Variants in CNTNAP2 observed in about 807,000 individuals in gnomAD.
CNTNAP2 encodes the protein contactin-associated protein-like 2.
In CNTNAP2, 98 loss-of-function variants were observed where a neutral mutation model predicts 155.2. The observed-to-expected ratio is 0.63, with a 90% CI of 0.54 to 0.75. CNTNAP2 has a LOEUF of 0.75. CNTNAP2 is among the 30% of genes least tolerant of loss of function. CNTNAP2 has a pLI of 0.00. For synonymous variants in CNTNAP2, 651 were observed against 631.2 expected (o/e 1.03, Z -0.47); for missense variants, 1,727 against 1,688.1 (o/e 1.02, Z -0.40).
intron 9 of CNTNAP2, among the ~76,000 whole-genome samples, chr7:147,369,886 C>A (rs1384338850): frequency 6.6e-6 from 1 of 152,210 alleles, no homozygotes; most frequent in Non-Finnish European, 1.5e-5. Flanking sequence ...TTCATACTGT[C>A]TGTATGAAAA....
intron 3 of CNTNAP2, among the ~76,000 whole-genome samples, chr7:146,952,721 G>A (rs532074627): frequency 2.2e-4 from 33 of 152,116 alleles, no homozygotes; most frequent in African/African-American, 7.9e-4. Context: ...CAACTTACAA[G>A]GGATGTGAAG....
intron 1 of CNTNAP2, among the ~76,000 whole-genome samples, chr7:146,482,379 T>C (rs889660232): frequency 6.8e-6 from 1 of 146,266 alleles, no homozygotes; most frequent in Non-Finnish European, 1.5e-5. Context: ...GAGGGATATA[T>C]ATGTATGTGT....
intron 8 of CNTNAP2, among the ~76,000 whole-genome samples, chr7:147,244,950 G>C (rs1411268186): frequency 6.6e-6 from 1 of 152,080 alleles, no homozygotes; most frequent in Non-Finnish European, 1.5e-5. Context: ...AAGTAAAGCT[G>C]GGTAAAGTGA....
At chr7:147,882,242 A>C (rs1799533577) in intron 13 of CNTNAP2, among the ~76,000 whole-genome samples, 1 of 152,182 alleles carries the variant, frequency 6.6e-6, no homozygotes, top group Non-Finnish European at 1.5e-5. Context: ...CCTGAGGAAG[A>C]AATGGAACGT....
chr7:146,324,666 T>C (rs1248193995), intron 1 of CNTNAP2, among the ~76,000 whole-genome samples: 7 of 152,158 alleles, frequency 4.6e-5, no homozygotes, highest in Admixed American at 4.6e-4. Flanking sequence ...CTAATAAATA[T>C]ATATTCCCCT....
intron 3 of CNTNAP2, among the ~76,000 whole-genome samples, chr7:147,008,764 T>C (rs534031394): frequency 1.6e-4 from 24 of 152,060 alleles, no homozygotes; most frequent in African/African-American, 5.6e-4. Context: ...GGGAGACTAA[T>C]GGTAGATAAA....
intron 10 of CNTNAP2, among the ~76,000 whole-genome samples, chr7:147,444,117 T>C (rs1490007086): frequency 6.6e-6 from 1 of 152,222 alleles, no homozygotes; most frequent in Non-Finnish European, 1.5e-5. Context: ...TGAAGGTCCC[T>C]GGGAAATTAT....
chr7:147,294,657 C>T (rs1273096982), intron 8 of CNTNAP2, among the ~76,000 whole-genome samples: 2 of 151,168 alleles, frequency 1.3e-5, no homozygotes, highest in African/African-American at 2.4e-5. Flanking sequence ...ACTCCAAAGA[C>T]AATTTTTTTT....
chr7:148,038,042 C>T (rs1478115135), intron 15 of CNTNAP2, among the ~76,000 whole-genome samples: 1 of 152,112 alleles, frequency 6.6e-6, no homozygotes, highest in East Asian at 1.9e-4. Flanking sequence ...TGTAGGACTT[C>T]AGTATGTAAT....
intron 1 of CNTNAP2, among the ~76,000 whole-genome samples, chr7:146,721,268 ATATT>A (rs941422876): frequency 2.5e-5 from 3 of 120,642 alleles, no homozygotes; most frequent in Non-Finnish European, 3.4e-5. Flanking sequence ...TACTCTCTAT[ATATT>A]CTATATATAT....
At chr7:146,602,524 T>A (rs967700691) in intron 1 of CNTNAP2, among the ~76,000 whole-genome samples, 1 of 152,230 alleles carries the variant, frequency 6.6e-6, no homozygotes, top group Non-Finnish European at 1.5e-5. Context: ...ACTTGATATT[T>A]AAAAGGAAAT....
intron 2 of CNTNAP2, among the ~76,000 whole-genome samples, chr7:146,793,772 G>T (rs1472402143): frequency 6.6e-6 from 1 of 152,112 alleles, no homozygotes; most frequent in Non-Finnish European, 1.5e-5. Flanking sequence ...GCCCAGGGTG[G>T]GATTAGACAG....
At chr7:147,586,124 GA>G (rs1800614252) in intron 12 of CNTNAP2, among the ~76,000 whole-genome samples, 1 of 152,162 alleles carries the variant, frequency 6.6e-6, no homozygotes. Context: ...TTGATTGAAA[GA>G]GTTTAATTAT....
intron 13 of CNTNAP2, among the ~76,000 whole-genome samples, chr7:147,773,140 T>C (rs958369728): frequency 6.6e-6 from 1 of 152,202 alleles, no homozygotes; most frequent in African/African-American, 2.4e-5. Flanking sequence ...TTTTTAGCTA[T>C]AACTAAAGGA....
At chr7:147,703,613 C>T (rs1451730341) in intron 13 of CNTNAP2, among the ~76,000 whole-genome samples, 6 of 152,084 alleles carry the variant, frequency 3.9e-5, no homozygotes, top group Admixed American at 6.6e-5. Context: ...ATGAGATACA[C>T]GTGATATTTT....
At chr7:147,726,215 T>C (rs1173619972) in intron 13 of CNTNAP2, among the ~76,000 whole-genome samples, 1 of 152,042 alleles carries the variant, frequency 6.6e-6, no homozygotes, top group Non-Finnish European at 1.5e-5. Flanking sequence ...TAAAGTATTA[T>C]ATACTTAAAA....
At chr7:148,405,603 A>ATTTTTTTTTT (rs535094195) in intron 22 of CNTNAP2, among the ~76,000 whole-genome samples, 7 of 36,794 alleles carry the variant, frequency 1.9e-4, no homozygotes, top group African/African-American at 5.2e-4. Context: ...TGCACAGCTA[A>ATTTTTTTTTT]TTTTTTTTTT....
At chr7:147,979,949 A>T (rs894364848) in intron 15 of CNTNAP2, among the ~76,000 whole-genome samples, 7 of 152,088 alleles carry the variant, frequency 4.6e-5, no homozygotes, top group Non-Finnish European at 8.8e-5. Context: ...TACCATTCTT[A>T]AAAAAAAGAT....
At chr7:147,723,637 G>A (rs1796599174) in intron 13 of CNTNAP2, among the ~76,000 whole-genome samples, 2 of 151,528 alleles carry the variant, frequency 1.3e-5, no homozygotes, top group Admixed American at 1.3e-4. Context: ...GTCTGCATCT[G>A]TCCCTGTTGC....
Sources: gnomAD v4.1 joint callset for allele counts (sites outside exome capture counted in the v4.1 genomes callset) on GRCh38, gnomAD v4.1.1 for gene constraint, MANE v1.5 for transcripts, NCBI Gene and HGNC (gene_info 2026-07-23, HGNC 2026-07-21) for gene names.